ZRANB1: variants seen among roughly 807,000 people sequenced by gnomAD.
ZRANB1 encodes ubiquitin thioesterase ZRANB1.
Under a neutral mutation model 80.5 loss-of-function variants are expected in ZRANB1, and 16 were observed. That is an observed-to-expected ratio of 0.20 (90% CI 0.13 to 0.30). The LOEUF is 0.30. Ranked by LOEUF, ZRANB1 falls within the 10% of genes least tolerant of loss-of-function variation. The pLI is 1.00. For synonymous variants in ZRANB1, 291 were observed against 293.1 expected, an observed-to-expected ratio of 0.99 and a Z score of 0.07; for missense variants, 576 against 862.6, an observed-to-expected ratio of 0.67 and a Z score of 4.16.
At chr10:124,968,442 C>T (rs1589850849) in intron 2 of ZRANB1, among the ~76,000 whole-genome samples, 2 of 149,984 alleles carry the variant, frequency 1.3e-5, no homozygotes, top group Middle Eastern at 3.4e-3. Flanking sequence ...CCAGTGAAGC[C>T]GGGGTGGGGG....
At chr10:124,917,879 C>T in the ZRANB1 span, among the ~76,000 whole-genome samples, 3 of 152,138 alleles carry the variant, frequency 2.0e-5, no homozygotes, top group Admixed American at 2.0e-4. Context: ...TTTTTCTCTG[C>T]TATGGTTTGG....
intron 5 of ZRANB1, 150 bp downstream of exon 5, chr10:124,974,548 G>A (rs538369092): frequency 5.3e-6 from 4 of 748,640 alleles, no homozygotes; most frequent in Admixed American, 3.3e-5. Flanking sequence ...CTTTGAACAC[G>A]TCCATGGTTT....
intron 8 of ZRANB1, 192 bp from the exon 9 acceptor site, chr10:124,984,582 G>T: frequency 1.8e-6 from 1 of 547,948 alleles, no homozygotes; most frequent in Non-Finnish European, 3.2e-6. Context: ...TCCCATTTAT[G>T]TCTTTTTAAA....
chr10:124,939,375 G>T (rs181904920), upstream of ZRANB1, among the ~76,000 whole-genome samples: 228 of 151,968 alleles, frequency 1.5e-3, no homozygotes, highest in African/African-American at 5.2e-3. Context: ...GCTTGGTTTT[G>T]GTATTGCTTA....
chr10:124,949,825 G>A (rs544727229), intron 1 of ZRANB1, among the ~76,000 whole-genome samples: 1 of 152,152 alleles, frequency 6.6e-6, no homozygotes, highest in Non-Finnish European at 1.5e-5. Flanking sequence ...GAAATACTCA[G>A]TTGCCCAATA....
At chr10:124,971,163 T>C (rs766138724) in intron 2 of ZRANB1, among the ~76,000 whole-genome samples, 4 of 152,188 alleles carry the variant, frequency 2.6e-5, no homozygotes, top group African/African-American at 7.2e-5. Flanking sequence ...TCAACTGTGA[T>C]TTTAGAATTC....
upstream of ZRANB1, among the ~76,000 whole-genome samples, chr10:124,937,183 ATTTT>A (rs35095657): frequency 3.2e-5 from 3 of 93,978 alleles, no homozygotes; most frequent in Non-Finnish European, 2.3e-5. Context: ...ATTTGTGTGT[ATTTT>A]TTTTTTTTTT....
Position 124,983,527 on chromosome 10 carries a change from A to C in ZRANB1, c.1747A>C (p.Arg583=), listed in dbSNP as rs1292608477. 6.2e-7 allele frequency: 1 copy of C among 1,614,092 alleles called. No individual in the cohort carries two copies. ...AAGTCCGATTGCTCTGGGTTATACG[A>C]GGGGCCACTTCTCTGCTTTGGTTGC... ...WKSPIALGYT[R]GHFSALVAME... is the part of the protein sequence containing the mutation. The change falls in exon 8 of 9, where the codon AGG becomes CGG. Residue 583 remains arginine, a synonymous_variant. Transcript: ENST00000359653. The surrounding 1 kb of genome is among the most constrained non-coding windows in gnomAD (Gnocchi z 6.2).
chr10:124,979,236 C>T (rs941385085), intron 5 of ZRANB1, among the ~76,000 whole-genome samples: 6 of 152,190 alleles, frequency 3.9e-5, no homozygotes, highest in Admixed American at 1.3e-4. Context: ...GCTGGGATTG[C>T]AGGCACATGG....
intron 1 of ZRANB1, among the ~76,000 whole-genome samples, chr10:124,948,194 C>T (rs1951600735): frequency 6.6e-6 from 1 of 152,158 alleles, no homozygotes; most frequent in Non-Finnish European, 1.5e-5. Flanking sequence ...TGATGAGCCA[C>T]TTTGACTTAA....
chr10:124,977,206 C>T (rs190397872), intron 5 of ZRANB1, among the ~76,000 whole-genome samples: 11 of 151,294 alleles, frequency 7.3e-5, no homozygotes, highest in Admixed American at 6.6e-5. Context: ...CTCCCGGACT[C>T]GAGTGTTTCT....
At chr10:124,950,909 G>A (rs549623876) in intron 1 of ZRANB1, among the ~76,000 whole-genome samples, 2 of 152,282 alleles carry the variant, frequency 1.3e-5, no homozygotes, top group East Asian at 3.9e-4. Flanking sequence ...TTGCGCCCAG[G>A]CTGCAGCGGG....
intron 1 of ZRANB1, among the ~76,000 whole-genome samples, chr10:124,964,659 G>A (rs1951763164): frequency 6.6e-6 from 1 of 152,138 alleles, no homozygotes; most frequent in South Asian, 2.1e-4. Flanking sequence ...TCAGACTCTT[G>A]GGTTGTTTTT....
At chr10:124,981,962 C>T in intron 6 of ZRANB1, 133 bp downstream of exon 6, 2 of 1,123,852 alleles carry the variant, frequency 1.8e-6, no homozygotes, top group Non-Finnish European at 2.6e-6. Context: ...CATCAGTCAA[C>T]TTGGGTTCTA....
intron 1 of ZRANB1, among the ~76,000 whole-genome samples, chr10:124,954,107 A>G (rs1430190437): frequency 6.7e-6 from 1 of 148,184 alleles, no homozygotes; most frequent in Non-Finnish European, 1.5e-5. Context: ...AGCTGGTTCC[A>G]GAATAGTGCA....
At chr10:124,924,747 A>G in the ZRANB1 span, among the ~76,000 whole-genome samples, 176 of 152,160 alleles carry the variant, frequency 1.2e-3, no homozygotes, top group African/African-American at 3.1e-3. Flanking sequence ...CTTTTTGGCT[A>G]TTATACTGCT....
At chr10:124,932,241 T>C in the ZRANB1 span, among the ~76,000 whole-genome samples, 1 of 152,262 alleles carries the variant, frequency 6.6e-6, no homozygotes, top group South Asian at 2.1e-4. Context: ...TCCAACTTTT[T>C]GCAATTAGAA....
rs1951549859 is a variant in ZRANB1 at position 124,942,989 on chromosome 10, G to A, written c.496G>A (p.Ala166Thr). The A allele has an allele frequency of 3.7e-6, 6 of 1,614,188 alleles. No individual in the cohort carries two copies. The East Asian group carries it at 1.3e-4, about 36-fold the overall frequency. The change falls in exon 1 of 9, where the codon GCT (alanine) becomes ACT (threonine). Residue 166 changes from alanine to threonine, a missense_variant. Coordinates refer to ENST00000359653, the MANE Select transcript of ZRANB1 (RefSeq NM_017580.3). ...SVCTYENWAK[A>T]KRCVVCDHPR... Reference sequence around the variant, plus strand: ...TTGCACATATGAAAACTGGGCCAAGGCTAAAAGATGTGTTGTTTGTGATCA... The same window carrying A: ...TTGCACATATGAAAACTGGGCCAAGACTAAAAGATGTGTTGTTTGTGATCA...
At chr10:124,982,091 A>G (rs1407332701) in intron 6 of ZRANB1, among the ~76,000 whole-genome samples, 1 of 152,184 alleles carries the variant, frequency 6.6e-6, no homozygotes, top group Non-Finnish European at 1.5e-5. Context: ...TTTATATCGA[A>G]TGATTAAAAA....
Sources: gnomAD v4.1 joint callset for allele counts (sites outside exome capture counted in the v4.1 genomes callset) on GRCh38, gnomAD v4.1.1 for gene constraint, Gnocchi (gnomAD v3.1) non-coding constraint, MANE v1.5 for transcripts, NCBI Gene and HGNC (gene_info 2026-07-23, HGNC 2026-07-21) for gene names.